Variants in GRK3 observed in about 807,000 individuals in gnomAD.
GRK3 encodes adrenergic, beta, receptor kinase 2.
Under a neutral mutation model 95.7 loss-of-function variants are expected in GRK3, and 54 were observed. The observed-to-expected ratio is 0.56, with a 90% CI of 0.45 to 0.71. The LOEUF is 0.71. Among genes scored for constraint, GRK3 ranks in the 30% least tolerant of loss-of-function variants. GRK3 has a pLI of 0.00. For missense variants in GRK3, 649 were observed against 851.2 expected (o/e 0.76, Z 2.96); for synonymous variants, 281 against 290.8 (o/e 0.97, Z 0.34).
intron 2 of GRK3, among the ~76,000 whole-genome samples, chr22:25,614,889 A>C (rs2084526365): frequency 6.6e-6 from 1 of 152,210 alleles, no homozygotes; most frequent in Non-Finnish European, 1.5e-5. Context: ...TTAAACAAAA[A>C]GGCACATGGA....
intron 15 of GRK3, among the ~76,000 whole-genome samples, chr22:25,709,300 G>T (rs1443894550): frequency 2.0e-5 from 3 of 152,012 alleles, no homozygotes; most frequent in African/African-American, 7.3e-5. Context: ...GCCTCCCAAA[G>T]TGCTGGGATT....
intron 2 of GRK3, among the ~76,000 whole-genome samples, chr22:25,610,453 C>T (rs553849133): frequency 3.3e-5 from 5 of 152,262 alleles, no homozygotes; most frequent in African/African-American, 9.6e-5. Flanking sequence ...GGCAAAAGAA[C>T]GAGACTCTGT....
At chr22:25,708,424 G>A (rs551817835) in intron 15 of GRK3, among the ~76,000 whole-genome samples, 17 of 152,232 alleles carry the variant, frequency 1.1e-4, no homozygotes, top group African/African-American at 3.9e-4. Context: ...CTCTGAGTGG[G>A]CTGGGGAGTA....
chr22:25,718,074 G>T (rs910720150), intron 18 of GRK3, among the ~76,000 whole-genome samples, 171 bp from the exon 19 acceptor site: 1 of 152,168 alleles, frequency 6.6e-6, no homozygotes, highest in African/African-American at 2.4e-5. Flanking sequence ...CTGATCTTTA[G>T]ATCCCCAGTA....
chr22:25,706,483 C>CCT (rs1187465404), intron 15 of GRK3, among the ~76,000 whole-genome samples: 3 of 151,802 alleles, frequency 2.0e-5, no homozygotes, highest in African/African-American at 4.8e-5. Context: ...TGCTGATGGC[C>CCT]CTCTCTCTCT....
At chr22:25,624,528 C>T (rs1171751270) in intron 2 of GRK3, among the ~76,000 whole-genome samples, 2 of 152,148 alleles carry the variant, frequency 1.3e-5, no homozygotes, top group Non-Finnish European at 2.9e-5. Flanking sequence ...CACGCCACTG[C>T]ATTCCAGCCT....
At chr22:25,684,271 C>A (rs1341050508) in intron 9 of GRK3, among the ~76,000 whole-genome samples, 1 of 152,192 alleles carries the variant, frequency 6.6e-6, no homozygotes, top group Non-Finnish European at 1.5e-5. Context: ...TCTAATAAGT[C>A]TTGATATCTG....
At position 25,725,948 on chromosome 22, in the gene GRK3, C is replaced by CAAA. The variant is rs879101225; in HGVS notation, c.*3507_*3509dup. The CAAA allele has an allele frequency of 6.3e-6, 1 of 159,062 alleles. No homozygotes were observed. The highest frequency in any genetic ancestry group is 1.3e-5 in the Non-Finnish European group (1 of 78,724). 9.9% of individuals were successfully genotyped at this position (159,062 alleles called of 1,614,324 possible). A position where few individuals can be genotyped will look rare whatever the true frequency, so the allele number is the denominator to read the frequency against. On this transcript the variant is annotated 3_prime_UTR_variant, in exon 21 of 21. Transcript: ENST00000324198. ...TGGGCGACAGAGCGAGACTCTGTCT[C>CAAA]AAAAAAAAAAAGGAGGGGGGCTAAA...
chr22:25,681,275 T>C (rs899871550), intron 9 of GRK3, among the ~76,000 whole-genome samples: 6 of 152,162 alleles, frequency 3.9e-5, no homozygotes, highest in African/African-American at 1.2e-4. Context: ...GGAAAAGATG[T>C]ATTATTCAAA....
intron 8 of GRK3, among the ~76,000 whole-genome samples, chr22:25,674,876 G>A (rs1020104953): frequency 1.1e-4 from 16 of 152,200 alleles, no homozygotes; most frequent in Non-Finnish European, 1.6e-4. Flanking sequence ...GTGAACCCGG[G>A]AGGCAGAGCT....
At chr22:25,670,692 G>C (rs1054925753) in intron 6 of GRK3, among the ~76,000 whole-genome samples, 2 of 151,704 alleles carry the variant, frequency 1.3e-5, no homozygotes, top group Admixed American at 6.6e-5. Context: ...AAATGAGATC[G>C]AACCATCACC....
Position 25,598,321 on chromosome 22 carries a change from CAAGAA to C in GRK3, c.114-6051_114-6047del, listed in dbSNP as rs555619710. On this transcript the variant is annotated intron_variant, in intron 1 of 20. Transcript: ENST00000324198. ...TAAAAATTGAATCATAAGAAGAAGG[CAAGAA>C]AAGAGGAAAACAGGAACAAAATACA... Among the ~76,000 whole-genome samples, 65 of 151,818 alleles carry C rather than the reference CAAGAA, an allele frequency of 4.3e-4. No homozygotes were observed. The East Asian group carries it at 0.012, about 29-fold the overall frequency.
At chr22:25,673,057 G>T (rs772450243) in intron 7 of GRK3, among the ~76,000 whole-genome samples, 1 of 98,952 alleles carries the variant, frequency 1.0e-5, no homozygotes, top group Non-Finnish European at 2.1e-5. Context: ...TGGTATTGTT[G>T]GAAGAGGGGC....
chr22:25,620,004 TTTTGTGTGTGTGTGTGTGTG>T (rs1223689790), intron 2 of GRK3, among the ~76,000 whole-genome samples: 1,876 of 120,538 alleles, frequency 0.016, 35 homozygotes, highest in Middle Eastern at 0.078. Context: ...CCTTTGTCTT[TTTTGTGTGTGTGTGTGTGTG>T]TGTGTGTGTG....
intron 13 of GRK3, 70 bp from the exon 14 acceptor site, chr22:25,703,440 A>G: frequency 8.2e-7 from 1 of 1,212,906 alleles, no homozygotes. Context: ...CTTTACCCAA[A>G]TATTAGTCAG....
chr22:25,684,589 A>G (rs1601524963), intron 9 of GRK3: 1 of 152,260 alleles, frequency 6.6e-6, no homozygotes, highest in African/African-American at 2.4e-5. Context: ...TAACTTCAGA[A>G]GCAGAGATTG....
chr22:25,676,463 G>T (rs1011135502), intron 8 of GRK3, among the ~76,000 whole-genome samples: 3 of 152,114 alleles, frequency 2.0e-5, no homozygotes, highest in Non-Finnish European at 2.9e-5. Flanking sequence ...AGGCTGAGGT[G>T]GGCCGATCAC....
chr22:25,664,910 A>G (rs2084932217), intron 5 of GRK3, among the ~76,000 whole-genome samples: 1 of 152,218 alleles, frequency 6.6e-6, no homozygotes, highest in Non-Finnish European at 1.5e-5. Flanking sequence ...ATATTTAGAT[A>G]GTAACAAATT....
At chr22:25,589,530 A>G (rs1932425020) in intron 1 of GRK3, among the ~76,000 whole-genome samples, 1 of 152,230 alleles carries the variant, frequency 6.6e-6, no homozygotes, top group Non-Finnish European at 1.5e-5. Context: ...TCCAAGCAGT[A>G]TACAGTGTAT....
Sources: allele counts gnomAD v4.1 joint callset (sites outside exome capture counted in the v4.1 genomes callset), GRCh38; gene constraint gnomAD v4.1.1; transcripts MANE v1.5; gene names NCBI Gene and HGNC (gene_info 2026-07-23, HGNC 2026-07-21).